The following NMRK1 variants were observed in gnomAD, a reference collection of about 807,000 sequenced individuals.
The protein encoded by NMRK1 is nicotinamide riboside kinase 1.
A neutral mutation model predicts 29.9 loss-of-function variants in NMRK1; 28 were observed. The ratio of observed to expected loss-of-function variants is 0.94; its 90% CI spans 0.69 to 1.28. The LOEUF (loss-of-function observed/expected upper bound fraction) is 1.28, where lower values mean the gene tolerates loss of function less well. NMRK1 is among the 50% of genes most tolerant of loss of function. The probability of loss-of-function intolerance (pLI) is 0.00; values close to 1 mark genes in which losing one functional copy is unlikely to be tolerated. For synonymous variants in NMRK1, 58 were observed against 73.0 expected (o/e 0.79, Z 1.05); for missense variants, 218 against 233.1 (o/e 0.94, Z 0.42).
intron 7 of NMRK1, 119 bp from the exon 8 acceptor site, chr9:75,066,959 A>T (rs1823390704): frequency 1.6e-6 from 1 of 615,690 alleles, no homozygotes; most frequent in African/African-American, 1.9e-5. Context: ...ACCCAGGACC[A>T]TAACTTAAAA....
intron 8 of NMRK1, among the ~76,000 whole-genome samples, chr9:75,063,199 G>A (rs1422305930): frequency 4.0e-5 from 6 of 150,978 alleles, no homozygotes; most frequent in African/African-American, 9.7e-5. Flanking sequence ...TCAGTTACTC[G>A]GGAGGCTGAG....
At chr9:75,062,072 T>C (rs1233241083) in intron 8 of NMRK1, among the ~76,000 whole-genome samples, 2 of 152,228 alleles carry the variant, frequency 1.3e-5, no homozygotes, top group Admixed American at 6.5e-5. Flanking sequence ...TTTTGAAATA[T>C]GTAAAATGTA....
At chr9:75,082,468 G>A (rs995703513) in intron 2 of NMRK1, among the ~76,000 whole-genome samples, 2 of 152,186 alleles carry the variant, frequency 1.3e-5, no homozygotes, top group Admixed American at 6.5e-5. Context: ...AATATACTTA[G>A]AGTAAAGGTG....
chr9:75,076,776 A>G lies in NMRK1; in HGVS notation c.169+383T>C, dbSNP rs534253826. On this transcript the variant is annotated intron_variant, in intron 4 of 8. Transcript: ENST00000361092. ...GGCTAATTTTTGTATTTTTTTGGGT[A>G]GAGATGGAATCTCCCTATGTTGCTC... 2.7e-4 allele frequency among the ~76,000 whole-genome samples: 41 copies of G among 152,180 alleles called. 2 individuals carry two copies. In the South Asian group the frequency reaches 5.2e-3, roughly 19 times the overall value.
intron 1 of NMRK1, chr9:75,087,570 T>C (rs888569811): frequency 6.6e-6 from 1 of 151,858 alleles, no homozygotes; most frequent in Non-Finnish European, 1.5e-5. Context: ...TTTTCACGTG[T>C]CACAAAGTAT....
At position 75,080,112 on chromosome 9, in the gene NMRK1, G is replaced by A. The variant is rs186432237; in HGVS notation, c.30-2532C>T. ...AGGCTGTCTGTAATTACTCAAACAC[G>A]TGGAGAATACATTCTGCAACAGGTA... On this transcript the variant is annotated intron_variant, in intron 2 of 8. Transcript: ENST00000361092. Among the ~76,000 whole-genome samples, 144 of 152,274 alleles carry A rather than the reference G, an allele frequency of 9.5e-4. 1 individual carries two copies. The highest frequency in any genetic ancestry group is 1.2e-3 in the East Asian group (6 of 5,182).
At chr9:75,077,837 T>C (rs551804196) in intron 2 of NMRK1, among the ~76,000 whole-genome samples, 4 of 152,152 alleles carry the variant, frequency 2.6e-5, no homozygotes, top group Admixed American at 6.5e-5. Flanking sequence ...GGTTTCGCCA[T>C]GTTAGACAGG....
At position 75,078,633 on chromosome 9, in the gene NMRK1, A is replaced by G. The variant is rs1290917294; in HGVS notation, c.30-1053T>C. ...TGAACTTGAATGAGAAAAAAATTAT[A>G]CCTTTATTTTCATTGAATTCTGACA... On this transcript the variant is annotated intron_variant, in intron 2 of 8. Transcript: ENST00000361092. The G allele has an allele frequency of 6.9e-6, 7 of 1,011,124 alleles. No homozygotes were observed. The African/African-American group carries it at 1.2e-4, about 17-fold the overall frequency. The allele number at this position is 1,011,124 out of a possible 1,614,324, so 62.6% of individuals were successfully genotyped here.
At chr9:75,075,270 A>G (rs1823923198) in intron 4 of NMRK1, among the ~76,000 whole-genome samples, 1 of 152,160 alleles carries the variant, frequency 6.6e-6, no homozygotes, top group Admixed American at 6.5e-5. Flanking sequence ...TTCTTTTCCA[A>G]TTGTTGAAAA....
Position 75,069,067 on chromosome 9 carries a change from T to A in NMRK1, c.425A>T (p.Tyr142Phe). The change falls in exon 7 of 9, where the codon TAC becomes TTC. Residue 142 changes from tyrosine (Y) to phenylalanine (F), a missense_variant. Transcript: ENST00000361092. Reference protein sequence around the residue: ...RVYQPPDSPGYFDGHVWPMYL... With the variant: ...RVYQPPDSPGFFDGHVWPMYL... ...CATGGGCCACACATGGCCATCAAAG[T>A]ATCCCGGAGAGTCTGGAGGCTGATA... is the stretch of plus-strand genomic sequence containing the variant. 6.2e-7 allele frequency: 1 copy of A among 1,614,156 alleles called. No homozygotes were observed. Among genetic ancestry groups the A allele is most frequent in the Non-Finnish European group, 8.5e-7 (1 of 1,179,980 alleles).
chr9:75,078,192 T>C (rs991423901), intron 2 of NMRK1: 3 of 1,365,138 alleles, frequency 2.2e-6, no homozygotes, highest in Non-Finnish European at 2.9e-6. Flanking sequence ...AATATTCACA[T>C]GGTTCATATG....
chr9:75,080,842 G>A (rs1278670894), intron 2 of NMRK1, among the ~76,000 whole-genome samples: 5 of 152,062 alleles, frequency 3.3e-5, no homozygotes, highest in Admixed American at 6.6e-5. Flanking sequence ...TCCTTCTTCC[G>A]CCATGTGACA....
chr9:75,080,133 A>T (rs1824233377), intron 2 of NMRK1, among the ~76,000 whole-genome samples: 1 of 152,252 alleles, frequency 6.6e-6, no homozygotes, highest in Non-Finnish European at 1.5e-5. Flanking sequence ...ATTCTGCAAC[A>T]GGTAGATGTT....
intron 8 of NMRK1, chr9:75,066,310 C>T (rs1823343924): frequency 3.9e-6 from 2 of 516,038 alleles, no homozygotes; most frequent in East Asian, 5.5e-5. Context: ...CTTAAACAAA[C>T]ACTTCATAAT....
At chr9:75,080,111 C>T (rs1824232398) in intron 2 of NMRK1, among the ~76,000 whole-genome samples, 1 of 152,140 alleles carries the variant, frequency 6.6e-6, no homozygotes, top group South Asian at 2.1e-4. Context: ...TACTCAAACA[C>T]GTGGAGAATA....
rs899944812 is a variant in NMRK1, at chr9:75,066,132, G to A, written c.580+625C>T. On this transcript the variant is annotated intron_variant, in intron 8 of 8. Transcript: ENST00000361092. ...CCTTGGTGATGACCTTCAGCAGTAG[G>A]ATATAAATAACTCCTACAAGCTTAG... The A allele has an allele frequency of 6.3e-5, 22 of 346,706 alleles. No individual in the cohort carries two copies. The Middle Eastern group carries it at 1.5e-3, about 24-fold the overall frequency. 21.5% of individuals were successfully genotyped at this position (346,706 alleles called of 1,614,324 possible).
rs2118174877 is a variant in NMRK1, at chr9:75,077,485, G to A, written c.120+5C>T. On this transcript the variant is annotated splice_donor_5th_base_variant and intron_variant, in intron 3 of 8. Coordinates refer to ENST00000361092, the MANE Select transcript of NMRK1 (RefSeq NM_017881.3). Reference sequence around the variant, plus strand: ...AATAAATAATTTAAGAAGTTTTATAGATACCTTGAAGAAATCATCCTGAGA... The same window carrying A: ...AATAAATAATTTAAGAAGTTTTATAAATACCTTGAAGAAATCATCCTGAGA... 2 of 1,570,890 alleles carry A rather than the reference G, an allele frequency of 1.3e-6. No homozygotes were observed. The highest frequency in any genetic ancestry group is 1.8e-6 in the Non-Finnish European group (2 of 1,142,236).
intron 1 of NMRK1, among the ~76,000 whole-genome samples, chr9:75,084,724 G>A (rs1824518102): frequency 6.6e-6 from 1 of 152,180 alleles, no homozygotes; most frequent in East Asian, 1.9e-4. Flanking sequence ...TACAAGGTGG[G>A]GGTAGCAGTG....
intron 4 of NMRK1, among the ~76,000 whole-genome samples, chr9:75,071,376 A>G (rs1392636085): frequency 6.6e-6 from 1 of 152,166 alleles, no homozygotes; most frequent in African/African-American, 2.4e-5. Context: ...TTACTGAGGC[A>G]GTCTAGTTTT....
Sources: gnomAD v4.1 joint callset for allele counts (sites outside exome capture counted in the v4.1 genomes callset) on GRCh38, gnomAD v4.1.1 for gene constraint, MANE v1.5 for transcripts, NCBI Gene and HGNC (gene_info 2026-07-23, HGNC 2026-07-21) for gene names.